Variants in MCM9 observed in about 807,000 individuals in gnomAD.
MCM9 encodes the protein minichromosome maintenance 9 homologous recombination repair factor, also known as DNA helicase MCM9.
A neutral mutation model predicts 72.8 loss-of-function variants in MCM9; 55 were observed. The observed-to-expected ratio is 0.76, with a 90% CI of 0.61 to 0.95. The LOEUF is 0.95. Among genes scored for constraint, MCM9 ranks in the 40% least tolerant of loss-of-function variants. The probability of loss-of-function intolerance (pLI) is 0.00; values close to 1 mark genes in which losing one functional copy is unlikely to be tolerated. For synonymous variants in MCM9, 480 were observed against 503.4 expected, an observed-to-expected ratio of 0.95 and a Z score of 0.62; for missense variants, 1,279 against 1,377.0, an observed-to-expected ratio of 0.93 and a Z score of 1.13.
intron 8 of MCM9, among the ~76,000 whole-genome samples, chr6:118,886,328 A>G (rs1778596661): frequency 6.6e-6 from 1 of 152,122 alleles, no homozygotes; most frequent in Non-Finnish European, 1.5e-5. Flanking sequence ...GGTTATAGAC[A>G]GAGAAATTGG....
At chr6:118,897,179 T>C (rs551769636) in intron 8 of MCM9, among the ~76,000 whole-genome samples, 4 of 152,292 alleles carry the variant, frequency 2.6e-5, no homozygotes, top group African/African-American at 9.6e-5. Context: ...TAATAAGTTA[T>C]TTTGCCTCAA....
At chr6:118,928,795 T>G (rs750010183) in intron 3 of MCM9, among the ~76,000 whole-genome samples, 1 of 150,298 alleles carries the variant, frequency 6.7e-6, no homozygotes, top group Non-Finnish European at 1.5e-5. Context: ...GAGACTGCAG[T>G]GAGCTATGAT....
At chr6:118,816,848 TG>T (rs1403609944) in intron 13 of MCM9, among the ~76,000 whole-genome samples, 1 of 151,824 alleles carries the variant, frequency 6.6e-6, no homozygotes. Flanking sequence ...GTCAAGAGTC[TG>T]TGATACTTCT....
Position 118,875,513 on chromosome 6 carries a change from A to G in MCM9, c.1151-18968T>C, listed in dbSNP as rs138257814. ...TAGCCAGGCATGGTGGCATGTGTCT[A>G]TGGTCCCAGCTACTCAAGAGACTGA... On this transcript the variant is annotated intron_variant, in intron 8 of 13. Coordinates refer to ENST00000619706, the MANE Select transcript of MCM9 (RefSeq NM_017696.3). Among the ~76,000 whole-genome samples, 993 of 152,050 alleles carry G rather than the reference A, an allele frequency of 6.5e-3. 7 individuals carry two copies. Among genetic ancestry groups the G allele is most frequent in the African/African-American group, 0.022 (924 of 41,478 alleles).
chr6:118,927,901 C>T (rs1782032353), intron 3 of MCM9, among the ~76,000 whole-genome samples: 1 of 152,128 alleles, frequency 6.6e-6, no homozygotes, highest in South Asian at 2.1e-4. Flanking sequence ...ATAATGAAGG[C>T]CAAATCTCCT....
chr6:118,843,728 A>ATCTG (rs1441317281), intron 9 of MCM9, among the ~76,000 whole-genome samples: 1 of 136,554 alleles, frequency 7.3e-6, no homozygotes, highest in East Asian at 2.3e-4. Flanking sequence ...ATGTATATAT[A>ATCTG]TATATATATA....
chr6:118,888,377 C>T (rs1175766387), intron 8 of MCM9, among the ~76,000 whole-genome samples: 3 of 152,082 alleles, frequency 2.0e-5, no homozygotes, highest in South Asian at 2.1e-4. Context: ...GTCCCAGCTA[C>T]TCGGGAGGCT....
At chr6:118,884,297 T>C (rs556699809) in intron 8 of MCM9, among the ~76,000 whole-genome samples, 1 of 152,106 alleles carries the variant, frequency 6.6e-6, no homozygotes, top group African/African-American at 2.4e-5. Context: ...AATTACAGCA[T>C]AAAAAGGGGA....
At chr6:118,926,181 G>C (rs188959311) in intron 3 of MCM9, among the ~76,000 whole-genome samples, 1 of 152,110 alleles carries the variant, frequency 6.6e-6, no homozygotes, top group Non-Finnish European at 1.5e-5. Flanking sequence ...TAGATGCTCC[G>C]TGACTTACAA....
At chr6:118,899,097 C>G (rs1298238011) in intron 8 of MCM9, among the ~76,000 whole-genome samples, 1 of 152,188 alleles carries the variant, frequency 6.6e-6, no homozygotes, top group East Asian at 1.9e-4. Context: ...ATAACTGTTG[C>G]ACAGCCCCAT....
chr6:118,846,038 ATGAG>A (rs1428017859), intron 9 of MCM9, among the ~76,000 whole-genome samples: 4 of 151,868 alleles, frequency 2.6e-5, no homozygotes, highest in African/African-American at 9.7e-5. Flanking sequence ...TGGTTCAGAA[ATGAG>A]TAATATACTA....
intron 8 of MCM9, among the ~76,000 whole-genome samples, chr6:118,860,883 G>A (rs901122325): frequency 4.6e-5 from 7 of 152,186 alleles, no homozygotes; most frequent in African/African-American, 1.7e-4. Flanking sequence ...CATGTCACAG[G>A]ATCCTTAGGA....
intron 4 of MCM9, among the ~76,000 whole-genome samples, chr6:118,922,879 A>G (rs545625304): frequency 2.5e-4 from 38 of 152,182 alleles, no homozygotes; most frequent in African/African-American, 9.2e-4. Flanking sequence ...CTAAAAATAC[A>G]GAATTAGCCA....
intron 1 of MCM9, among the ~76,000 whole-genome samples, chr6:118,933,247 C>T (rs1249742411): frequency 6.6e-6 from 1 of 152,068 alleles, no homozygotes; most frequent in African/African-American, 2.4e-5. Flanking sequence ...CGCCTGTAAT[C>T]CCAGCACTTT....
chr6:118,843,720 G>GTGTGTA (rs1554257161), intron 9 of MCM9, among the ~76,000 whole-genome samples: 1 of 102,006 alleles, frequency 9.8e-6, no homozygotes, highest in African/African-American at 4.5e-5. Flanking sequence ...ATATATATAT[G>GTGTGTA]TATATATATA....
intron 9 of MCM9, among the ~76,000 whole-genome samples, chr6:118,830,849 A>T (rs1774492113): frequency 6.6e-6 from 1 of 152,210 alleles, no homozygotes; most frequent in Non-Finnish European, 1.5e-5. Flanking sequence ...CTCTGCTGCC[A>T]ATTAGTTTAC....
At chr6:118,863,706 A>G (rs909939847) in intron 8 of MCM9, among the ~76,000 whole-genome samples, 2 of 152,166 alleles carry the variant, frequency 1.3e-5, no homozygotes, top group Admixed American at 1.3e-4. Context: ...TTTAAAAGAG[A>G]AGTAAGAGTT....
chr6:118,876,071 T>G (rs1777914421), intron 8 of MCM9, among the ~76,000 whole-genome samples: 1 of 152,138 alleles, frequency 6.6e-6, no homozygotes, highest in South Asian at 2.1e-4. Context: ...TATCAGAGCA[T>G]GAAAAGACAT....
intron 13 of MCM9, among the ~76,000 whole-genome samples, chr6:118,817,652 T>A (rs1157429512): frequency 6.6e-6 from 1 of 152,130 alleles, no homozygotes; most frequent in Non-Finnish European, 1.5e-5. Context: ...GGGTGTATAC[T>A]CAGTAATGGG....
Sources: allele counts gnomAD v4.1 joint callset (sites outside exome capture counted in the v4.1 genomes callset), GRCh38; gene constraint gnomAD v4.1.1; transcripts MANE v1.5; gene names NCBI Gene and HGNC (gene_info 2026-07-23, HGNC 2026-07-21).